PPP2R5E: variants seen among roughly 807,000 people sequenced by gnomAD.
PPP2R5E encodes serine/threonine-protein phosphatase 2A 56 kDa regulatory subunit epsilon isoform.
Under a neutral mutation model 65.3 loss-of-function variants are expected in PPP2R5E, and 4 were observed. The observed-to-expected ratio is 0.06, with a 90% confidence interval of 0.03 to 0.14. PPP2R5E has a LOEUF of 0.14. PPP2R5E is among the 10% of genes least tolerant of loss of function. PPP2R5E has a pLI of 1.00. For synonymous variants in PPP2R5E, 183 were observed against 187.4 expected (o/e 0.98, Z 0.19); for missense variants, 274 against 556.1 (o/e 0.49, Z 5.10).
intron 3 of PPP2R5E, chr14:63,452,626 A>G (rs867038702): frequency 1.3e-4 from 20 of 152,310 alleles, no homozygotes; most frequent in Middle Eastern, 6.8e-3. Context: ...AACAAATCCA[A>G]TATACATTCA....
At chr14:63,451,816 G>C (rs999014469) in intron 3 of PPP2R5E, 4 of 152,104 alleles carry the variant, frequency 2.6e-5, no homozygotes, top group African/African-American at 9.7e-5. Context: ...CTGTGCTTGT[G>C]CAGGGACAGG....
chr14:63,503,613 C>T (rs8003662), intron 2 of PPP2R5E, among the ~76,000 whole-genome samples: 2,055 of 152,278 alleles, frequency 0.013, 41 homozygotes, highest in African/African-American at 0.047. Context: ...GTTAACACTG[C>T]AAGGAAGACA....
At chr14:63,485,301 A>G (rs1890926625) in intron 2 of PPP2R5E, among the ~76,000 whole-genome samples, 1 of 151,934 alleles carries the variant, frequency 6.6e-6, no homozygotes, top group Non-Finnish European at 1.5e-5. Context: ...CAGAGGTCTC[A>G]CTATGTTGCT....
At chr14:63,527,777 T>C (rs1188791792) in intron 2 of PPP2R5E, among the ~76,000 whole-genome samples, 1 of 151,924 alleles carries the variant, frequency 6.6e-6, no homozygotes, top group African/African-American at 2.4e-5. Context: ...ATACTAAAAA[T>C]ACAAAAACTT....
At chr14:63,531,629 C>T (rs946859715) in intron 2 of PPP2R5E, among the ~76,000 whole-genome samples, 7 of 151,982 alleles carry the variant, frequency 4.6e-5, no homozygotes, top group African/African-American at 1.5e-4. Context: ...TCTTTCAGTT[C>T]GAAAGTAAAG....
chr14:63,434,764 A>AT, intron 3 of PPP2R5E, among the ~76,000 whole-genome samples: 1 of 152,238 alleles, frequency 6.6e-6, no homozygotes, highest in African/African-American at 2.4e-5. Flanking sequence ...GAAGTTCACT[A>AT]TTTTTTTAAC....
intron 2 of PPP2R5E, among the ~76,000 whole-genome samples, chr14:63,498,884 C>T (rs1276653351): frequency 3.3e-5 from 5 of 151,988 alleles, no homozygotes; most frequent in Non-Finnish European, 5.9e-5. Flanking sequence ...CTGGCAGAGA[C>T]TATGAAATAT....
At chr14:63,439,229 A>G (rs1168133335) in intron 3 of PPP2R5E, among the ~76,000 whole-genome samples, 1 of 152,176 alleles carries the variant, frequency 6.6e-6, no homozygotes, top group Non-Finnish European at 1.5e-5. Context: ...CCACAGTGCT[A>G]AGCACTGTTC....
At chr14:63,515,540 T>C (rs1174361184) in intron 2 of PPP2R5E, among the ~76,000 whole-genome samples, 2 of 152,192 alleles carry the variant, frequency 1.3e-5, no homozygotes, top group South Asian at 2.1e-4. Context: ...AGACACTTTT[T>C]TTTTTTTTGA....
At chr14:63,517,295 T>C (rs981578140) in intron 2 of PPP2R5E, among the ~76,000 whole-genome samples, 1 of 152,070 alleles carries the variant, frequency 6.6e-6, no homozygotes, top group African/African-American at 2.4e-5. Flanking sequence ...AAAAAGAATA[T>C]TCCATTAAGT....
chr14:63,460,457 T>C (rs1350401571), intron 2 of PPP2R5E, among the ~76,000 whole-genome samples: 1 of 152,174 alleles, frequency 6.6e-6, no homozygotes, highest in African/African-American at 2.4e-5. Context: ...ATTAGAGTTG[T>C]ACATATACTT....
chr14:63,405,359 A>C (rs1886003993), intron 5 of PPP2R5E, among the ~76,000 whole-genome samples: 1 of 152,184 alleles, frequency 6.6e-6, no homozygotes, highest in South Asian at 2.1e-4. Flanking sequence ...TTAGAACTAA[A>C]ATTTTTTTAA....
chr14:63,496,363 G>T (rs1156732775), intron 2 of PPP2R5E, among the ~76,000 whole-genome samples: 2 of 149,688 alleles, frequency 1.3e-5, no homozygotes, highest in Non-Finnish European at 2.9e-5. Context: ...AGAATCGCTT[G>T]AACCTGGGAG....
rs564904494 is a variant in PPP2R5E at position 63,418,834 on chromosome 14, T to G, written c.456+3159A>C. Among the ~76,000 whole-genome samples the G allele has an allele frequency of 1.3e-4, 19 of 149,872 alleles. No homozygotes were observed. The South Asian group carries it at 4.0e-3, about 31-fold the overall frequency. On this transcript the variant is annotated intron_variant, in intron 4 of 13. Coordinates refer to ENST00000337537, the MANE Select transcript of PPP2R5E (RefSeq NM_006246.5). ...TCCACAATTTGTTATAATCAGTAAT[T>G]TTTTTACTTTTTTTTTTTTTTTTTT...
chr14:63,539,709 A>C lies in PPP2R5E; in HGVS notation c.-7-17T>G, dbSNP rs1387204870. On this transcript the variant is annotated splice_polypyrimidine_tract_variant and intron_variant, in intron 1 of 13. Coordinates refer to ENST00000337537, the MANE Select transcript of PPP2R5E (RefSeq NM_006246.5). ...ATATCCCTACTGAAGAGAAAGAAGT[A>C]TCATAAACCCATACATTCCCAAGGT... 3 of 1,602,746 alleles carry C rather than the reference A, an allele frequency of 1.9e-6. No individual in the cohort carries two copies. The Admixed American group carries it at 5.1e-5, about 27-fold the overall frequency.
intron 2 of PPP2R5E, among the ~76,000 whole-genome samples, chr14:63,476,571 C>T (rs1333782995): frequency 6.6e-6 from 1 of 152,138 alleles, no homozygotes; most frequent in Non-Finnish European, 1.5e-5. Context: ...ATATCACATA[C>T]CATACTCTGA....
rs548326014 is a variant in PPP2R5E at position 63,518,334 on chromosome 14, T to G, written c.157+21195A>C. Among the ~76,000 whole-genome samples the G allele has an allele frequency of 1.7e-3, 252 of 152,278 alleles. 1 individual carries two copies. The highest frequency in any genetic ancestry group is 5.8e-3 in the African/African-American group (239 of 41,550). ...ATGGTTAACTGCAGCCTCAAACTCC[T>G]GGGTTCAAGGGATCCTCCTGCCTTA... On this transcript the variant is annotated intron_variant, in intron 2 of 13. Transcript: ENST00000337537.
chr14:63,466,108 AATGGCCT>A (rs1288954311), intron 2 of PPP2R5E, among the ~76,000 whole-genome samples: 1 of 152,138 alleles, frequency 6.6e-6, no homozygotes, highest in African/African-American at 2.4e-5. Context: ...AAGGGGATAA[AATGGCCT>A]ATGTATTTTC....
chr14:63,488,855 ATAAAT>A lies in PPP2R5E; in HGVS notation c.158-34975_158-34971del, dbSNP rs552414339. Among the ~76,000 whole-genome samples, 152 of 151,674 alleles carry A rather than the reference ATAAAT, an allele frequency of 1.0e-3. 2 individuals carry two copies. In the South Asian group the frequency reaches 0.016, roughly 16 times the overall value. Reference sequence around the variant, plus strand: ...CAGAGCAAGACTCCATCTTAAATAAATAAATTAATTTAATTAAATATAAATATAAA... The same window carrying A: ...CAGAGCAAGACTCCATCTTAAATAAATAATTTAATTAAATATAAATATAAA... On this transcript the variant is annotated intron_variant, in intron 2 of 13. Transcript: ENST00000337537.
Sources: gnomAD v4.1 joint callset for allele counts (sites outside exome capture counted in the v4.1 genomes callset) on GRCh38, gnomAD v4.1.1 for gene constraint, MANE v1.5 for transcripts, NCBI Gene and HGNC (gene_info 2026-07-23, HGNC 2026-07-21) for gene names.